SNTB2: variants seen among roughly 807,000 people sequenced by gnomAD.
SNTB2 encodes beta-2-syntrophin.
A neutral mutation model predicts 46.2 loss-of-function variants in SNTB2; 34 were observed. The observed-to-expected ratio is 0.74, with a 90% CI of 0.56 to 0.98. The LOEUF (loss-of-function observed/expected upper bound fraction) is 0.98. SNTB2 is among the 50% of genes least tolerant of loss of function. The pLI, the probability that SNTB2 is intolerant of heterozygous loss-of-function variation, is 0.00. For missense variants in SNTB2, 603 were observed against 731.4 expected (o/e 0.82, Z 2.02); for synonymous variants, 290 against 312.6 (o/e 0.93, Z 0.76).
intron 5 of SNTB2, 29 bp from the exon 6 acceptor site, chr16:69,299,561 A>G (rs557125370): frequency 1.2e-6 from 2 of 1,604,956 alleles, no homozygotes; most frequent in Admixed American, 1.7e-5. Context: ...GCAACTTTAC[A>G]ACTAATGTTT....
intron 5 of SNTB2, among the ~76,000 whole-genome samples, chr16:69,287,858 C>CAA (rs1373138034): frequency 4.5e-4 from 67 of 150,336 alleles, no homozygotes; most frequent in East Asian, 1.2e-3. Flanking sequence ...AACTCTGTCT[C>CAA]AAAAAATATA....
At chr16:69,214,287 C>T (rs958134663) in intron 1 of SNTB2, among the ~76,000 whole-genome samples, 14 of 151,166 alleles carry the variant, frequency 9.3e-5, no homozygotes, top group Admixed American at 4.0e-4. Context: ...TGCACCACCA[C>T]GCCTGGCTAA....
At chr16:69,255,574 G>A (rs112738687) in intron 2 of SNTB2, among the ~76,000 whole-genome samples, 5,199 of 90,732 alleles carry the variant, frequency 0.057, 124 homozygotes, top group African/African-American at 0.13. Flanking sequence ...AAAAAAAAAA[G>A]AAAGAAAGAA....
In SNTB2 at chr16:69,187,502, C is replaced by T. The variant is rs979279092; in HGVS notation, c.336C>T (p.Pro112=). 1.2e-5 allele frequency: 16 copies of T among 1,281,204 alleles called. No individual in the cohort carries two copies. The highest frequency in any genetic ancestry group is 1.2e-4 in the East Asian group (4 of 33,146). The allele number at this position is 1,281,204 out of a possible 1,614,324, so 79.4% of individuals were successfully genotyped here. A position where few individuals can be genotyped will look rare whatever the true frequency, so the allele number is the denominator to read the frequency against. The change falls in exon 1 of 7, where the codon CCC becomes CCT. Residue 112 remains proline, a synonymous_variant. Transcript: ENST00000336278. ...CGGGTGAGGCGGGCGCGTCGCCGCC[C>T]GTGCGCCGGGTGCGGGTGGTGAAGC... ...GPAGEAGASP[P]VRRVRVVKQE...
At chr16:69,286,975 G>A (rs972256338) in intron 5 of SNTB2, among the ~76,000 whole-genome samples, 10 of 152,098 alleles carry the variant, frequency 6.6e-5, no homozygotes, top group East Asian at 5.8e-4. Context: ...GTGGATAGGC[G>A]CCCTTAAAAG....
intron 1 of SNTB2, among the ~76,000 whole-genome samples, chr16:69,209,923 A>G (rs1166085894): frequency 6.6e-6 from 1 of 152,050 alleles, no homozygotes; most frequent in Non-Finnish European, 1.5e-5. Flanking sequence ...GTTTAGCAAG[A>G]TAGTGTAGAC....
At chr16:69,285,300 T>A (rs1354801651) in intron 5 of SNTB2, among the ~76,000 whole-genome samples, 2 of 151,682 alleles carry the variant, frequency 1.3e-5, no homozygotes, top group African/African-American at 4.8e-5. Flanking sequence ...GGTATATGAC[T>A]CGAAGTACAT....
intron 1 of SNTB2, among the ~76,000 whole-genome samples, chr16:69,188,788 T>C (rs149102269): frequency 2.0e-5 from 3 of 152,246 alleles, no homozygotes; most frequent in East Asian, 1.9e-4. Context: ...AAACAACTTA[T>C]AGGGAGGAAA....
Position 69,187,226 on chromosome 16 carries a change from G to C in SNTB2, c.60G>C (p.Thr20=), listed in dbSNP as rs1219131116. 1 of 1,447,552 alleles carries C rather than the reference G, an allele frequency of 6.9e-7. No individual in the cohort carries two copies. Among genetic ancestry groups the C allele is most frequent in the Non-Finnish European group, 9.1e-7 (1 of 1,102,058 alleles). 89.7% of individuals were successfully genotyped at this position (1,447,552 alleles called of 1,614,324 possible). The stretch of plus-strand genomic sequence containing the variant: ...CGGGGCCGGCCATGGCGGTGTGGAC[G>C]CGGGCCACCAAAGCGGGGCTGGTGG... The part of the protein sequence containing the change: ...AGAGPAMAVW[T]RATKAGLVEL... The change falls in exon 1 of 7, where the codon ACG becomes ACC. Residue 20 remains threonine (T), a synonymous_variant. Transcript: ENST00000336278.
At chr16:69,269,974 G>A (rs752936683) in intron 3 of SNTB2, among the ~76,000 whole-genome samples, 169 bp from the exon 4 acceptor site, 10 of 152,124 alleles carry the variant, frequency 6.6e-5, no homozygotes, top group Non-Finnish European at 1.0e-4. Flanking sequence ...CACACCTCCC[G>A]GTGGAGAGTC....
At chr16:69,245,531 G>A in intron 1 of SNTB2, 71 bp from the exon 2 acceptor site, 1 of 1,413,974 alleles carries the variant, frequency 7.1e-7, no homozygotes, top group Admixed American at 1.7e-5. Flanking sequence ...GCATGTATGT[G>A]AATACTTTAG....
At chr16:69,205,779 A>T (rs1028831763) in intron 1 of SNTB2, among the ~76,000 whole-genome samples, 5 of 152,122 alleles carry the variant, frequency 3.3e-5, no homozygotes, top group African/African-American at 1.2e-4. Context: ...GTAACTTTAG[A>T]TGGATTTGAA....
At chr16:69,237,959 T>G (rs986141608) in intron 1 of SNTB2, among the ~76,000 whole-genome samples, 1 of 152,122 alleles carries the variant, frequency 6.6e-6, no homozygotes, top group Non-Finnish European at 1.5e-5. Flanking sequence ...ACCTCCTTCT[T>G]TTCTCCCCAG....
chr16:69,259,007 TAAATGCTTAA>T (rs1051754713), intron 2 of SNTB2, among the ~76,000 whole-genome samples: 3 of 152,280 alleles, frequency 2.0e-5, no homozygotes, highest in African/African-American at 7.2e-5. Context: ...CAGAATTTCC[TAAATGCTTAA>T]AAGGGTATCA....
At chr16:69,190,793 C>A (rs866021854) in intron 1 of SNTB2, among the ~76,000 whole-genome samples, 10 of 152,242 alleles carry the variant, frequency 6.6e-5, no homozygotes, top group South Asian at 2.1e-4. Flanking sequence ...GTTTGTAACC[C>A]CTAGGCAAGT....
At chr16:69,277,568 T>C (rs1220269674) in intron 4 of SNTB2, among the ~76,000 whole-genome samples, 1 of 151,920 alleles carries the variant, frequency 6.6e-6, no homozygotes, top group Non-Finnish European at 1.5e-5. Context: ...AAACCACTTG[T>C]TGAGTTTTGG....
At chr16:69,280,751 G>A (rs906240750) in intron 4 of SNTB2, among the ~76,000 whole-genome samples, 18 of 151,918 alleles carry the variant, frequency 1.2e-4, no homozygotes, top group Non-Finnish European at 2.5e-4. Flanking sequence ...TCCTGTATCA[G>A]ATATGTGTTT....
chr16:69,199,156 A>G (rs144578808), intron 1 of SNTB2, among the ~76,000 whole-genome samples: 2,767 of 152,192 alleles, frequency 0.018, 85 homozygotes, highest in African/African-American at 0.062. Flanking sequence ...TAGCCTGCCA[A>G]AGTGCTGGGA....
chr16:69,283,976 T>C, intron 4 of SNTB2, 72 bp from the exon 5 acceptor site: 1 of 1,386,442 alleles, frequency 7.2e-7, no homozygotes, highest in Non-Finnish European at 9.8e-7. Context: ...CTCTTATCAA[T>C]GAGCACAAAT....
Sources: allele counts gnomAD v4.1 joint callset (sites outside exome capture counted in the v4.1 genomes callset), GRCh38; gene constraint gnomAD v4.1.1; transcripts MANE v1.5; gene names NCBI Gene and HGNC (gene_info 2026-07-23, HGNC 2026-07-21).